IFNGR2: variants seen among roughly 807,000 people sequenced by gnomAD.
IFNGR2 encodes IFN-gamma receptor 2.
Under a neutral mutation model 41.1 loss-of-function variants are expected in IFNGR2, and 15 were observed. The observed-to-expected ratio is 0.37, with a 90% CI of 0.24 to 0.56. The LOEUF (loss-of-function observed/expected upper bound fraction) is 0.56, where lower values mean the gene tolerates loss of function less well. IFNGR2 is among the 20% of genes least tolerant of loss of function. The pLI is 0.81. For synonymous variants in IFNGR2, 161 were observed against 171.6 expected, an observed-to-expected ratio of 0.94 and a Z score of 0.48; for missense variants, 362 against 415.7, an observed-to-expected ratio of 0.87 and a Z score of 1.12.
Position 33,420,963 on chromosome 21 carries a change from G to A in IFNGR2, c.207-517G>A, listed in dbSNP as rs1470486657. Among the ~76,000 whole-genome samples the A allele has an allele frequency of 9.9e-5, 15 of 152,114 alleles. 1 individual carries two copies. Among genetic ancestry groups the A allele is most frequent in the African/African-American group, 2.4e-4 (10 of 41,412 alleles). On this transcript the variant is annotated intron_variant, in intron 2 of 6. Coordinates refer to ENST00000290219, the MANE Select transcript of IFNGR2 (RefSeq NM_005534.4). ...TGTAATTTCAGCACTTTGGGAGGCC[G>A]AGGTGGGCGGATCACATGAGGCCAG...
At chr21:33,417,225 G>T (rs1281067970) in intron 2 of IFNGR2, among the ~76,000 whole-genome samples, 2 of 151,774 alleles carry the variant, frequency 1.3e-5, no homozygotes, top group Admixed American at 6.6e-5. Flanking sequence ...CAAGTAGCTG[G>T]GACTATGGGC....
intron 2 of IFNGR2, among the ~76,000 whole-genome samples, chr21:33,420,380 G>A (rs994743022): frequency 6.6e-6 from 1 of 152,150 alleles, no homozygotes; most frequent in East Asian, 1.9e-4. Context: ...GTCACCTAAG[G>A]CAAAGAGGTC....
intron 6 of IFNGR2, among the ~76,000 whole-genome samples, chr21:33,434,476 C>T (rs746522416): frequency 8.6e-5 from 13 of 152,046 alleles, no homozygotes; most frequent in African/African-American, 2.7e-4. Context: ...AAGCCAATAT[C>T]GCACCATAGC....
At chr21:33,415,041 G>T in intron 2 of IFNGR2, 21 bp downstream of exon 2, 2 of 1,613,798 alleles carry the variant, frequency 1.2e-6, no homozygotes, top group South Asian at 1.1e-5. Context: ...ATTTCTGTTG[G>T]ATCCTTGCTG....
Position 33,414,789 on chromosome 21 carries a change from T to G in IFNGR2, c.74-99T>G. 1.7e-5 allele frequency: 23 copies of G among 1,375,486 alleles called. No individual in the cohort carries two copies. In the South Asian group the frequency reaches 2.9e-4, roughly 17 times the overall value. The allele number at this position is 1,375,486 out of a possible 1,614,324, so 85.2% of individuals were successfully genotyped here. A position where few individuals can be genotyped will look rare whatever the true frequency, so the allele number is the denominator to read the frequency against. ...TTCTGCACTTTGACAAAAACTGAGT[T>G]GTATGAATGACTTAGATAATGGACA... is the stretch of plus-strand genomic sequence containing the variant. On this transcript the variant is annotated intron_variant, in intron 1 of 6. Coordinates refer to ENST00000290219, the MANE Select transcript of IFNGR2 (RefSeq NM_005534.4).
intron 2 of IFNGR2, among the ~76,000 whole-genome samples, chr21:33,417,805 G>A (rs2083764222): frequency 6.6e-6 from 1 of 151,978 alleles, no homozygotes; most frequent in Non-Finnish European, 1.5e-5. Flanking sequence ...ACTTAGGCTT[G>A]ATGCTGATTT....
At chr21:33,434,847 TG>T (rs1425194803) in intron 6 of IFNGR2, among the ~76,000 whole-genome samples, 46 of 152,172 alleles carry the variant, frequency 3.0e-4, no homozygotes, top group Non-Finnish European at 1.0e-4. Context: ...CTCTCTCTCC[TG>T]GTAGAACTAC....
At chr21:33,436,759 C>A in intron 6 of IFNGR2, 69 bp from the exon 7 acceptor site, 3 of 1,232,574 alleles carry the variant, frequency 2.4e-6, no homozygotes, top group Middle Eastern at 1.9e-4. Flanking sequence ...AAAACAAAAA[C>A]TAAAGTTAAA....
intron 4 of IFNGR2, among the ~76,000 whole-genome samples, chr21:33,429,021 A>C (rs1212124248): frequency 3.3e-5 from 5 of 152,120 alleles, no homozygotes; most frequent in Non-Finnish European, 7.4e-5. Context: ...AGCACACAGA[A>C]CAGGCTTCCA....
chr21:33,412,776 G>A lies in IFNGR2; in HGVS notation c.74-2112G>A, dbSNP rs559570630. On this transcript the variant is annotated intron_variant, in intron 1 of 6. Transcript: ENST00000290219. ...TCACCATGTTGGCCAGGCTGGCCTCGAACTCCTGACCTCAGGTGATCCACC... is the reference window on the plus strand; with the variant it reads ...TCACCATGTTGGCCAGGCTGGCCTCAAACTCCTGACCTCAGGTGATCCACC... Among the ~76,000 whole-genome samples the A allele has an allele frequency of 4.6e-5, 7 of 152,246 alleles. No individual in the cohort carries two copies. The East Asian group carries it at 1.2e-3, about 25-fold the overall frequency.
chr21:33,406,319 GAGCCGAAATCATGCAACT>G (rs1207080290), intron 1 of IFNGR2, among the ~76,000 whole-genome samples: 2 of 146,394 alleles, frequency 1.4e-5, no homozygotes, highest in Non-Finnish European at 3.0e-5. Flanking sequence ...AGGTTGCAGT[GAGCCGAAATCATGCAACT>G]GCACTCCAGC....
At position 33,416,649 on chromosome 21, in the gene IFNGR2, T is replaced by A. The variant is rs567267480; in HGVS notation, c.206+1629T>A. 4.6e-5 allele frequency among the ~76,000 whole-genome samples: 7 copies of A among 152,002 alleles called. No homozygotes were observed. The East Asian group carries it at 1.2e-3, about 25-fold the overall frequency. On this transcript the variant is annotated intron_variant, in intron 2 of 6. Coordinates refer to ENST00000290219, the MANE Select transcript of IFNGR2 (RefSeq NM_005534.4). ...CATCCTGGCTAACACGCTGAAACCC[T>A]GTCTCTACTAAAAATACAAAAAATT...
chr21:33,422,609 G>T (rs1333527584), intron 3 of IFNGR2, among the ~76,000 whole-genome samples: 1 of 152,090 alleles, frequency 6.6e-6, no homozygotes, highest in Middle Eastern at 3.2e-3. Flanking sequence ...GGGCGCGGTG[G>T]CTCACGCCTA....
chr21:33,428,849 T>C (rs573735348), intron 4 of IFNGR2, among the ~76,000 whole-genome samples: 3 of 152,284 alleles, frequency 2.0e-5, no homozygotes, highest in African/African-American at 7.2e-5. Flanking sequence ...GCCCATACTT[T>C]TGTTTTTTTA....
intron 3 of IFNGR2, among the ~76,000 whole-genome samples, chr21:33,425,630 T>G (rs917248327): frequency 6.6e-6 from 1 of 152,072 alleles, no homozygotes; most frequent in African/African-American, 2.4e-5. Context: ...GCAGGCTGAG[T>G]GGAAGAGCAT....
At chr21:33,422,756 A>AG (rs2083803437) in intron 3 of IFNGR2, among the ~76,000 whole-genome samples, 1 of 151,758 alleles carries the variant, frequency 6.6e-6, no homozygotes, top group South Asian at 2.1e-4. Flanking sequence ...GCATACCTGT[A>AG]ATCCCAGCTA....
intron 2 of IFNGR2, among the ~76,000 whole-genome samples, chr21:33,419,660 G>C (rs2083777789): frequency 6.6e-6 from 1 of 152,210 alleles, no homozygotes; most frequent in Non-Finnish European, 1.5e-5. Context: ...GGCGTAGACA[G>C]TTGGCAGCTT....
intron 6 of IFNGR2, among the ~76,000 whole-genome samples, chr21:33,433,137 C>G (rs1301694429): frequency 6.6e-6 from 1 of 152,150 alleles, no homozygotes; most frequent in African/African-American, 2.4e-5. Context: ...CCACCCACCT[C>G]AGCCTCCCAA....
intron 2 of IFNGR2, among the ~76,000 whole-genome samples, chr21:33,416,166 T>C (rs984076509): frequency 6.6e-6 from 1 of 152,094 alleles, no homozygotes; most frequent in Non-Finnish European, 1.5e-5. Flanking sequence ...CCAGCCTTCA[T>C]AGTAGTTTTA....
Sources: gnomAD v4.1 joint callset for allele counts (sites outside exome capture counted in the v4.1 genomes callset) on GRCh38, gnomAD v4.1.1 for gene constraint, MANE v1.5 for transcripts, NCBI Gene and HGNC (gene_info 2026-07-23, HGNC 2026-07-21) for gene names.